Variants in ARHGAP32 observed in about 807,000 individuals in gnomAD.
The protein encoded by ARHGAP32 is rho GTPase-activating protein 32.
Under a neutral mutation model 186.5 loss-of-function variants are expected in ARHGAP32, and 51 were observed. The observed-to-expected ratio is 0.27, with a 90% CI of 0.22 to 0.35. ARHGAP32 has a LOEUF of 0.35. ARHGAP32 is among the 10% of genes least tolerant of loss of function. ARHGAP32 has a pLI of 1.00. For missense variants in ARHGAP32, 2,186 were observed against 2,623.5 expected, an observed-to-expected ratio of 0.83 and a Z score of 3.64; for synonymous variants, 950 against 964.3, an observed-to-expected ratio of 0.99 and a Z score of 0.27.
Position 129,162,315 on chromosome 11 carries a change from A to C in ARHGAP32, c.225+2004T>G, listed in dbSNP as rs537680289. On this transcript the variant is annotated intron_variant, in intron 2 of 22. Transcript: ENST00000682385. ...TATAATAATAAAAAAATCTAAAATAAATTACACATAATAATATTTTTAAAA... is the reference window on the plus strand; with the variant it reads ...TATAATAATAAAAAAATCTAAAATACATTACACATAATAATATTTTTAAAA... Among the ~76,000 whole-genome samples the C allele has an allele frequency of 1.3e-3, 191 of 152,272 alleles. 3 individuals are homozygous for C. Among genetic ancestry groups the C allele is most frequent in the African/African-American group, 4.3e-3 (180 of 41,562 alleles).
chr11:129,191,669 C>T (rs1001755879), intron 1 of ARHGAP32, among the ~76,000 whole-genome samples: 2 of 74,134 alleles, frequency 2.7e-5, no homozygotes, highest in Non-Finnish European at 7.3e-5. Flanking sequence ...CAGGCAGGCA[C>T]GCACACACAC....
At chr11:129,127,839 C>T (rs569000813) in intron 2 of ARHGAP32, among the ~76,000 whole-genome samples, 105 of 152,176 alleles carry the variant, frequency 6.9e-4, no homozygotes, top group African/African-American at 2.2e-3. Context: ...TTTATAATAT[C>T]ATCAACACAG....
chr11:129,013,508 G>A (rs150985510), intron 11 of ARHGAP32, among the ~76,000 whole-genome samples: 6 of 152,266 alleles, frequency 3.9e-5, no homozygotes, highest in African/African-American at 9.6e-5. Context: ...TAGTTTCAGC[G>A]CTGCTGGTGA....
At chr11:129,164,860 G>C (rs1457742566) in intron 1 of ARHGAP32, among the ~76,000 whole-genome samples, 1 of 152,138 alleles carries the variant, frequency 6.6e-6, no homozygotes, top group African/African-American at 2.4e-5. Flanking sequence ...CAGCAAATAA[G>C]CATTTTCAAT....
At position 128,969,234 on chromosome 11, in the gene ARHGAP32, T is replaced by C; in HGVS notation, c.5979A>G (p.Pro1993=). 1 of 1,613,932 alleles carries C rather than the reference T, an allele frequency of 6.2e-7. No homozygotes were observed. Among genetic ancestry groups the C allele is most frequent in the Non-Finnish European group, 8.5e-7 (1 of 1,179,934 alleles). The change falls in exon 23 of 23, where the codon CCA becomes CCG. Residue 1993 remains proline (P), a synonymous_variant. Transcript: ENST00000682385. The surrounding 1 kb of genome is among the most constrained non-coding windows in gnomAD (Gnocchi z 4.8). ...TATGACTCCTCTCTGGTTTAGGGGG[T>C]GGGACGATTGACTGAGTGAGGTGTT... ...EEEHLTQSIV[P]PPKPERSHSL...
At chr11:129,037,885 G>A (rs926904418) in intron 11 of ARHGAP32, among the ~76,000 whole-genome samples, 4 of 151,740 alleles carry the variant, frequency 2.6e-5, no homozygotes, top group African/African-American at 4.9e-5. Flanking sequence ...GGCGGATCAC[G>A]ATGTCAGGAG....
intron 12 of ARHGAP32, 129 bp downstream of exon 12, chr11:128,998,190 G>T (rs1485031196): frequency 7.1e-6 from 5 of 703,294 alleles, no homozygotes; most frequent in Non-Finnish European, 1.1e-5. Context: ...ACCTGAGAAA[G>T]CTTAGTACAT....
chr11:129,183,913 T>A (rs1345000571), intron 1 of ARHGAP32, among the ~76,000 whole-genome samples: 1 of 152,048 alleles, frequency 6.6e-6, no homozygotes, highest in Non-Finnish European at 1.5e-5. Context: ...TCTCTCCTTC[T>A]CCAAGTGTCT....
At chr11:129,041,796 C>G (rs1246374737) in intron 10 of ARHGAP32, among the ~76,000 whole-genome samples, 1 of 152,072 alleles carries the variant, frequency 6.6e-6, no homozygotes, top group Non-Finnish European at 1.5e-5. Context: ...AGATAAACAG[C>G]CTGGAAACAA....
chr11:129,243,850 T>G (rs1945052312), intron 1 of ARHGAP32, among the ~76,000 whole-genome samples: 1 of 152,200 alleles, frequency 6.6e-6, no homozygotes, highest in Non-Finnish European at 1.5e-5. Flanking sequence ...TAACCCGCAC[T>G]TTCCTGTATT....
chr11:129,104,628 T>A (rs1941998883), intron 5 of ARHGAP32, among the ~76,000 whole-genome samples: 1 of 147,180 alleles, frequency 6.8e-6, no homozygotes, highest in Non-Finnish European at 1.5e-5. Flanking sequence ...GAGGAAGGCA[T>A]AAGGAGAGAG....
chr11:129,235,534 A>G (rs886131490), intron 1 of ARHGAP32, among the ~76,000 whole-genome samples: 1 of 152,216 alleles, frequency 6.6e-6, no homozygotes, highest in Non-Finnish European at 1.5e-5. Context: ...GGACACAATT[A>G]TAGGTCCATA....
At chr11:128,976,010 G>GAGGTTGC (rs1390089203) in intron 20 of ARHGAP32, among the ~76,000 whole-genome samples, 2 of 152,020 alleles carry the variant, frequency 1.3e-5, no homozygotes, top group African/African-American at 2.4e-5. Context: ...CCGGGAGTTA[G>GAGGTTGC]AGGTTGCAGT....
chr11:129,143,459 C>G (rs1380259131), intron 2 of ARHGAP32, among the ~76,000 whole-genome samples: 4 of 152,156 alleles, frequency 2.6e-5, no homozygotes, highest in Non-Finnish European at 4.4e-5. Context: ...CGCACCGCCC[C>G]ACTCCGTCCC....
chr11:129,119,017 C>T (rs935740773), intron 5 of ARHGAP32, among the ~76,000 whole-genome samples: 2 of 152,044 alleles, frequency 1.3e-5, no homozygotes, highest in Non-Finnish European at 2.9e-5. Flanking sequence ...CTTATTCAAG[C>T]TCCATGGAAG....
At chr11:128,976,912 A>G (rs1398675509) in intron 19 of ARHGAP32, among the ~76,000 whole-genome samples, 3 of 152,224 alleles carry the variant, frequency 2.0e-5, no homozygotes, top group Admixed American at 6.5e-5. Context: ...ATTAACTAAG[A>G]TGCTTCTTTC....
intron 1 of ARHGAP32, among the ~76,000 whole-genome samples, chr11:129,201,328 C>T (rs1287261416): frequency 6.6e-6 from 1 of 152,154 alleles, no homozygotes; most frequent in Non-Finnish European, 1.5e-5. Flanking sequence ...ATGTAGAAAA[C>T]TGCTTTCAAC....
chr11:129,069,206 T>C (rs1009530775), intron 6 of ARHGAP32, among the ~76,000 whole-genome samples: 2 of 152,076 alleles, frequency 1.3e-5, no homozygotes, highest in Non-Finnish European at 2.9e-5. Flanking sequence ...ATACAGATGC[T>C]GAATATATTT....
intron 1 of ARHGAP32, among the ~76,000 whole-genome samples, chr11:129,225,224 G>A (rs909555196): frequency 2.6e-5 from 4 of 152,092 alleles, no homozygotes; most frequent in African/African-American, 9.7e-5. Context: ...AAACTGAGAA[G>A]TAAGATGCCC....
Sources: allele counts gnomAD v4.1 joint callset (sites outside exome capture counted in the v4.1 genomes callset), GRCh38; gene constraint gnomAD v4.1.1; non-coding constraint Gnocchi (gnomAD v3.1); transcripts MANE v1.5; gene names NCBI Gene and HGNC (gene_info 2026-07-23, HGNC 2026-07-21).